SLC9A9: variants seen among roughly 807,000 people sequenced by gnomAD.
SLC9A9 encodes solute carrier family 9 member A9.
Under a neutral mutation model 77.8 loss-of-function variants are expected in SLC9A9, and 62 were observed. The observed-to-expected ratio is 0.80, with a 90% CI of 0.65 to 0.98. The LOEUF is 0.98. Among genes scored for constraint, SLC9A9 ranks in the 50% least tolerant of loss-of-function variants. The pLI is 0.00. For synonymous variants in SLC9A9, 320 were observed against 283.5 expected, an observed-to-expected ratio of 1.13 and a Z score of -1.29; for missense variants, 775 against 774.9, an observed-to-expected ratio of 1.00 and a Z score of 0.00.
intron 12 of SLC9A9, among the ~76,000 whole-genome samples, chr3:143,389,860 A>G (rs1344856796): frequency 6.6e-6 from 1 of 152,184 alleles, no homozygotes; most frequent in Non-Finnish European, 1.5e-5. Flanking sequence ...TTATTTAAGA[A>G]GGGTTAGAGG....
chr3:143,536,886 T>C (rs1487372875), intron 9 of SLC9A9, among the ~76,000 whole-genome samples: 3 of 152,232 alleles, frequency 2.0e-5, no homozygotes, highest in Non-Finnish European at 4.4e-5. Flanking sequence ...TCACTGGTTC[T>C]CAAGCGCTGC....
At chr3:143,562,278 A>G (rs1448341104) in intron 8 of SLC9A9, among the ~76,000 whole-genome samples, 1 of 152,206 alleles carries the variant, frequency 6.6e-6, no homozygotes, top group African/African-American at 2.4e-5. Context: ...CTTTAAGGCT[A>G]GAAAAGCTGG....
At chr3:143,327,095 C>T (rs934071599) in intron 14 of SLC9A9, among the ~76,000 whole-genome samples, 2 of 149,296 alleles carry the variant, frequency 1.3e-5, no homozygotes, top group African/African-American at 2.4e-5. Context: ...AGCCAGGAGA[C>T]GGAAACATAG....
chr3:143,837,553 A>C (rs1369278483), intron 1 of SLC9A9, among the ~76,000 whole-genome samples: 1 of 152,194 alleles, frequency 6.6e-6, no homozygotes, highest in Non-Finnish European at 1.5e-5. Flanking sequence ...ATCATATTTC[A>C]AACTGGTAAG....
At chr3:143,840,096 T>C (rs1239726683) in intron 1 of SLC9A9, among the ~76,000 whole-genome samples, 3 of 152,220 alleles carry the variant, frequency 2.0e-5, no homozygotes, top group Non-Finnish European at 4.4e-5. Flanking sequence ...GAAAGTTTGT[T>C]AAAACACAGT....
intron 14 of SLC9A9, among the ~76,000 whole-genome samples, chr3:143,332,906 A>T (rs1010943953): frequency 2.0e-5 from 3 of 152,202 alleles, no homozygotes; most frequent in Non-Finnish European, 4.4e-5. Flanking sequence ...CCACCATATC[A>T]ATCATCTGCA....
intron 7 of SLC9A9, among the ~76,000 whole-genome samples, chr3:143,575,162 C>A (rs1480921144): frequency 6.6e-6 from 1 of 152,188 alleles, no homozygotes; most frequent in Admixed American, 6.5e-5. Flanking sequence ...CATTTCTATT[C>A]TACATGAATT....
rs145350169 is a variant in SLC9A9, at chr3:143,610,432, C to A, written c.756-31709G>T. Among the ~76,000 whole-genome samples, 41 of 152,338 alleles carry A rather than the reference C, an allele frequency of 2.7e-4. 1 individual carries two copies. Among genetic ancestry groups the A allele is most frequent in the Non-Finnish European group, 5.6e-4 (38 of 68,036 alleles). ...AAAGTGCTGGGATTACAGGCATGGG[C>A]CACTATGCTCAGCCCACATTTCTAT... On this transcript the variant is annotated intron_variant, in intron 6 of 15. Transcript: ENST00000316549.
At position 143,266,127 on chromosome 3, in the gene SLC9A9, A is replaced by G. The variant is rs1465538413; in HGVS notation, c.*575T>C. ...GCCAAGAAGAACAATAGGTTCTTCA[A>G]CTCAGTGTGGGCTCTGGGAAACCAT... On this transcript the variant is annotated 3_prime_UTR_variant, in exon 16 of 16. Transcript: ENST00000316549. The G allele has an allele frequency of 1.4e-6, 1 of 702,190 alleles. No homozygotes were observed. Among genetic ancestry groups the G allele is most frequent in the Non-Finnish European group, 2.6e-6 (1 of 384,778 alleles). 43.5% of individuals were successfully genotyped at this position (702,190 alleles called of 1,614,324 possible).
At chr3:143,385,302 A>T (rs1439681287) in intron 12 of SLC9A9, among the ~76,000 whole-genome samples, 1 of 152,078 alleles carries the variant, frequency 6.6e-6, no homozygotes, top group African/African-American at 2.4e-5. Context: ...TTTTCTATCT[A>T]TCTATCTAAT....
chr3:143,550,010 G>A lies in SLC9A9; in HGVS notation c.1089+2352C>T, dbSNP rs181950296. ...TTTTTTCTTTTGTTTCACTCAGGGG[G>A]CCTCAAGATTTCTGTAACTGCATCT... On this transcript the variant is annotated intron_variant, in intron 9 of 15. Coordinates refer to ENST00000316549, the MANE Select transcript of SLC9A9 (RefSeq NM_173653.4). Among the ~76,000 whole-genome samples, 21 of 152,188 alleles carry A rather than the reference G, an allele frequency of 1.4e-4. No individual in the cohort carries two copies. The East Asian group carries it at 3.5e-3, about 25-fold the overall frequency.
intron 14 of SLC9A9, among the ~76,000 whole-genome samples, chr3:143,321,192 T>C (rs369621581): frequency 1.3e-5 from 2 of 152,334 alleles, no homozygotes; most frequent in East Asian, 3.9e-4. Flanking sequence ...AACTAATGCC[T>C]GAAGGTTATC....
chr3:143,566,629 T>A (rs1290378956), intron 8 of SLC9A9, among the ~76,000 whole-genome samples: 2 of 152,138 alleles, frequency 1.3e-5, no homozygotes, highest in Non-Finnish European at 2.9e-5. Context: ...ACTGTTTAAC[T>A]TTTTGTATGA....
chr3:143,364,610 A>T (rs1350683948), intron 13 of SLC9A9, among the ~76,000 whole-genome samples: 5 of 152,150 alleles, frequency 3.3e-5, no homozygotes, highest in Non-Finnish European at 2.9e-5. Flanking sequence ...ATCATTGGTT[A>T]ATGATAAATA....
At chr3:143,356,701 G>A (rs1288379362) in intron 14 of SLC9A9, among the ~76,000 whole-genome samples, 3 of 152,104 alleles carry the variant, frequency 2.0e-5, no homozygotes, top group African/African-American at 2.4e-5. Flanking sequence ...TTTTTGTAGA[G>A]GTGGGGTCTT....
intron 2 of SLC9A9, among the ~76,000 whole-genome samples, chr3:143,806,070 C>G (rs2008704277): frequency 1.3e-5 from 2 of 149,814 alleles, no homozygotes; most frequent in African/African-American, 2.5e-5. Flanking sequence ...TCTTTTCCCC[C>G]CCACCTCTTC....
chr3:143,642,870 G>A (rs529314707), intron 6 of SLC9A9, among the ~76,000 whole-genome samples: 1 of 151,984 alleles, frequency 6.6e-6, no homozygotes, highest in Non-Finnish European at 1.5e-5. Flanking sequence ...ATTTTGAAAA[G>A]TTCTTTTTTT....
rs372309620 is a variant in SLC9A9 at position 143,284,886 on chromosome 3, A to G, written c.1605-15906T>C. ...TGGGTAATCTTCCAAGCCCAGCAAT[A>G]CTTATGACAAAATGATACAGACAGC... On this transcript the variant is annotated intron_variant, in intron 14 of 15. Transcript: ENST00000316549. 1.8e-4 allele frequency among the ~76,000 whole-genome samples: 28 copies of G among 152,254 alleles called. No homozygotes were observed. In the East Asian group the frequency reaches 2.5e-3, roughly 14 times the overall value.
intron 13 of SLC9A9, among the ~76,000 whole-genome samples, chr3:143,369,098 A>G (rs1043062151): frequency 6.6e-6 from 1 of 152,324 alleles, no homozygotes; most frequent in Non-Finnish European, 1.5e-5. Context: ...GATCTCACAG[A>G]TAGACTACCA....
Sources: gnomAD v4.1 joint callset for allele counts (sites outside exome capture counted in the v4.1 genomes callset) on GRCh38, gnomAD v4.1.1 for gene constraint, MANE v1.5 for transcripts, NCBI Gene and HGNC (gene_info 2026-07-23, HGNC 2026-07-21) for gene names.